Variants in DNAH6 observed in about 807,000 individuals in gnomAD.
DNAH6 encodes the protein dynein axonemal heavy chain 6, also known as axonemal beta dynein heavy chain 6.
A neutral mutation model predicts 491.4 loss-of-function variants in DNAH6; 340 were observed. That is an observed-to-expected ratio of 0.69 (90% CI 0.63 to 0.76). The LOEUF (loss-of-function observed/expected upper bound fraction) is 0.76, where lower values mean the gene tolerates loss of function less well. Among genes scored for constraint, DNAH6 ranks in the 30% least tolerant of loss-of-function variants. The pLI is 0.00. For synonymous variants in DNAH6, 1,603 were observed against 1,686.1 expected (o/e 0.95, Z 1.21); for missense variants, 4,443 against 4,972.2 (o/e 0.89, Z 3.20).
At chr2:84,756,180 G>A (rs1000620742) in intron 63 of DNAH6, among the ~76,000 whole-genome samples, 2 of 152,170 alleles carry the variant, frequency 1.3e-5, no homozygotes, top group Non-Finnish European at 2.9e-5. Context: ...TATATTCCTA[G>A]TATGTGGAGT....
At chr2:84,563,272 GT>G in intron 11 of DNAH6, among the ~76,000 whole-genome samples, 1 of 152,182 alleles carries the variant, frequency 6.6e-6, no homozygotes, top group Non-Finnish European at 1.5e-5. Context: ...GGGTCAAATG[GT>G]AGCTCTGTTT....
intron 64 of DNAH6, among the ~76,000 whole-genome samples, chr2:84,781,242 T>C (rs1208725064): frequency 6.6e-6 from 1 of 152,184 alleles, no homozygotes; most frequent in Non-Finnish European, 1.5e-5. Flanking sequence ...ACAGGTCTCT[T>C]CTCAACCGCA....
intron 4 of DNAH6, among the ~76,000 whole-genome samples, chr2:84,534,016 G>T (rs1251489977): frequency 2.0e-5 from 3 of 152,062 alleles, no homozygotes; most frequent in Non-Finnish European, 4.4e-5. Flanking sequence ...CCATCATTCA[G>T]ATGGCTAAAG....
At chr2:84,682,863 C>A (rs1249353435) in intron 42 of DNAH6, among the ~76,000 whole-genome samples, 1 of 152,222 alleles carries the variant, frequency 6.6e-6, no homozygotes, top group African/African-American at 2.4e-5. Flanking sequence ...GCACAGCAGC[C>A]AAGCATGGGC....
chr2:84,538,152 G>A (rs1229435919), intron 4 of DNAH6, among the ~76,000 whole-genome samples: 2 of 152,010 alleles, frequency 1.3e-5, no homozygotes, highest in African/African-American at 4.8e-5. Context: ...CCTCATGCAC[G>A]CCACTTAATA....
intron 15 of DNAH6, among the ~76,000 whole-genome samples, chr2:84,585,973 C>G (rs1032058120): frequency 2.6e-5 from 4 of 152,200 alleles, no homozygotes; most frequent in African/African-American, 7.2e-5. Context: ...GGACCCACCC[C>G]CTTCCATTCA....
chr2:84,750,972 C>CTAG (rs1673417210), intron 63 of DNAH6: 1 of 152,206 alleles, frequency 6.6e-6, no homozygotes, highest in Non-Finnish European at 1.5e-5. Context: ...AAATTAAGAG[C>CTAG]TAGACACCCA....
At chr2:84,660,569 G>T in intron 37 of DNAH6, among the ~76,000 whole-genome samples, 1 of 151,914 alleles carries the variant, frequency 6.6e-6, no homozygotes, top group Non-Finnish European at 1.5e-5. Context: ...AAAATTAGTG[G>T]GTAGAGGTTT....
the DNAH6 span, among the ~76,000 whole-genome samples, chr2:84,493,413 G>T: frequency 6.6e-6 from 1 of 152,116 alleles, no homozygotes; most frequent in Non-Finnish European, 1.5e-5. Flanking sequence ...GCAACTTATT[G>T]GGAATCATAG....
At chr2:84,487,035 C>T in the DNAH6 span, among the ~76,000 whole-genome samples, 22 of 152,258 alleles carry the variant, frequency 1.4e-4, no homozygotes, top group South Asian at 3.7e-3. Flanking sequence ...CAGAAAAACC[C>T]GGCCACAGGT....
intron 69 of DNAH6, 53 bp downstream of exon 69, chr2:84,796,478 A>G (rs961152824): frequency 1.6e-4 from 231 of 1,413,568 alleles, no homozygotes; most frequent in Non-Finnish European, 1.9e-4. Context: ...AGATGTTGAC[A>G]GCATCTCTCA....
chr2:84,722,930 G>T (rs1698300824), intron 60 of DNAH6, 126 bp downstream of exon 60: 2 of 609,086 alleles, frequency 3.3e-6, no homozygotes, highest in African/African-American at 1.9e-5. Context: ...TGCATGCAAG[G>T]TTCAAGAGTG....
At position 84,544,512 on chromosome 2, in the gene DNAH6, T is replaced by C; in HGVS notation, c.930+12T>C. ...TCATTGTTAATCCTGTATGTATTTA[T>C]CATTTATATTTTAAAATAATTACTT... On this transcript the variant is annotated intron_variant, in intron 5 of 76. Transcript: ENST00000389394. 7.6e-7 allele frequency: 1 copy of C among 1,314,582 alleles called. No homozygotes were observed. The highest frequency in any genetic ancestry group is 1.5e-5 in the African/African-American group (1 of 68,292). The allele number at this position is 1,314,582 out of a possible 1,614,324, so 81.4% of individuals were successfully genotyped here. A position where few individuals can be genotyped will look rare whatever the true frequency, so the allele number is the denominator to read the frequency against.
rs11676670 is a variant in DNAH6 at position 84,624,887 on chromosome 2, C to T, written c.4354-15C>T. 0.096 allele frequency: 147,237 copies of T among 1,536,130 alleles called. 12,300 individuals are homozygous for T. The highest frequency in any genetic ancestry group is 0.44 in the African/African-American group (32,003 of 72,336). Reference sequence around the variant, plus strand: ...GTTGGTTCCCTTCATATTGATAATGCATTGCTTTCTTCAGGATCGCTGCTA... The same window carrying T: ...GTTGGTTCCCTTCATATTGATAATGTATTGCTTTCTTCAGGATCGCTGCTA... On this transcript the variant is annotated splice_polypyrimidine_tract_variant and intron_variant, in intron 28 of 76. Coordinates refer to ENST00000389394, the MANE Select transcript of DNAH6 (RefSeq NM_001370.2).
Position 84,707,724 on chromosome 2 carries a change from A to G in DNAH6, c.9048+8A>G, listed in dbSNP as rs370282066. 6 of 1,549,226 alleles carry G rather than the reference A, an allele frequency of 3.9e-6. No homozygotes were observed. The highest frequency in any genetic ancestry group is 1.7e-4 in the Middle Eastern group (1 of 5,998). ...GCCCAGTACAGGCAGTCAGTGAGTA[A>G]CCCTGCTTTCTGTAAGGAGGGGTAA... On this transcript the variant is annotated splice_region_variant and intron_variant, in intron 54 of 76. Transcript: ENST00000389394.
chr2:84,544,297 CACAT>C lies in DNAH6; in HGVS notation c.728_731del (p.His243LeufsTer76). Reference sequence around the variant, plus strand: ...TACTATTAGCCAAAGGGCAGTAACACACATTTATAATGAAGACATTGAATTTATC... The same window carrying C: ...TACTATTAGCCAAAGGGCAGTAACACTTATAATGAAGACATTGAATTTATC... On this transcript the variant is annotated frameshift_variant, in exon 5 of 77. Transcript: ENST00000389394. LOFTEE classifies it high-confidence loss of function. 1 of 1,529,242 alleles carries C rather than the reference CACAT, an allele frequency of 6.5e-7. No homozygotes were observed. The highest frequency in any genetic ancestry group is 8.9e-7 in the Non-Finnish European group (1 of 1,126,856). The allele number at this position is 1,529,242 out of a possible 1,614,324, so 94.7% of individuals were successfully genotyped here.
At chr2:84,491,614 C>T in the DNAH6 span, among the ~76,000 whole-genome samples, 1 of 152,188 alleles carries the variant, frequency 6.6e-6, no homozygotes, top group Non-Finnish European at 1.5e-5. Flanking sequence ...TTCATTCTAT[C>T]TTCATTGTGG....
At chr2:84,787,413 G>A in intron 68 of DNAH6, 111 bp downstream of exon 68, 1 of 764,882 alleles carries the variant, frequency 1.3e-6, no homozygotes, top group Non-Finnish European at 2.0e-6. Context: ...TAATGGTGGT[G>A]ATGATGATAT....
intron 3 of DNAH6, 63 bp downstream of exon 3, chr2:84,525,801 G>A: frequency 2.5e-6 from 3 of 1,216,134 alleles, no homozygotes; most frequent in Non-Finnish European, 3.4e-6. Flanking sequence ...AGCATTGCTA[G>A]CATACTTTTA....
Sources: allele counts gnomAD v4.1 joint callset (sites outside exome capture counted in the v4.1 genomes callset), GRCh38; gene constraint gnomAD v4.1.1; transcripts MANE v1.5; gene names NCBI Gene and HGNC (gene_info 2026-07-23, HGNC 2026-07-21).